The following MMP16 variants were observed in gnomAD, a reference collection of about 807,000 sequenced individuals.
The protein encoded by MMP16 is matrix metallopeptidase 16.
A neutral mutation model predicts 67.8 loss-of-function variants in MMP16; 12 were observed. The ratio of observed to expected loss-of-function variants is 0.18; its 90% CI spans 0.11 to 0.29. The LOEUF is 0.29. MMP16 is among the 10% of genes least tolerant of loss of function. MMP16 has a pLI of 1.00. For missense variants in MMP16, 475 were observed against 765.7 expected (o/e 0.62, Z 4.48); for synonymous variants, 249 against 255.9 (o/e 0.97, Z 0.26).
intron 1 of MMP16, among the ~76,000 whole-genome samples, chr8:88,247,175 A>G (rs1417937159): frequency 6.6e-6 from 1 of 152,126 alleles, no homozygotes; most frequent in Non-Finnish European, 1.5e-5. Flanking sequence ...ATCTTCATAC[A>G]ATGTTTAAAA....
chr8:88,266,671 G>A (rs1245883243), intron 1 of MMP16, among the ~76,000 whole-genome samples: 1 of 151,918 alleles, frequency 6.6e-6, no homozygotes, highest in African/African-American at 2.4e-5. Context: ...TCTACTTACT[G>A]TTCTCAAAGA....
chr8:88,219,191 G>A (rs973911663), intron 1 of MMP16, among the ~76,000 whole-genome samples: 3 of 151,860 alleles, frequency 2.0e-5, no homozygotes, highest in Admixed American at 6.6e-5. Flanking sequence ...ACAAATTAGC[G>A]ACAGAATAGC....
intron 2 of MMP16, among the ~76,000 whole-genome samples, chr8:88,194,354 TA>T (rs1236994079): frequency 6.6e-6 from 1 of 152,076 alleles, no homozygotes; most frequent in African/African-American, 2.4e-5. Context: ...GATCTATAAC[TA>T]TAGTCCATAT....
chr8:88,174,233 A>AC (rs1808849085), intron 3 of MMP16, among the ~76,000 whole-genome samples: 1 of 152,172 alleles, frequency 6.6e-6, no homozygotes, highest in Non-Finnish European at 1.5e-5. Context: ...TATCATAAAT[A>AC]CTCATATTCA....
intron 4 of MMP16, among the ~76,000 whole-genome samples, chr8:88,149,136 T>C (rs535855910): frequency 4.3e-4 from 66 of 152,250 alleles, no homozygotes; most frequent in Middle Eastern, 3.4e-3. Flanking sequence ...CCCACCCGAA[T>C]ATTGCGCTTT....
chr8:88,289,327 A>T (rs906736790), intron 1 of MMP16, among the ~76,000 whole-genome samples: 19 of 152,194 alleles, frequency 1.2e-4, no homozygotes, highest in African/African-American at 4.6e-4. Flanking sequence ...AAAATTTTCT[A>T]CATTGTATAT....
chr8:88,099,359 TG>T (rs919216328), intron 6 of MMP16, among the ~76,000 whole-genome samples: 59 of 151,972 alleles, frequency 3.9e-4, no homozygotes, highest in African/African-American at 1.3e-3. Flanking sequence ...TTAAGACAGC[TG>T]AAGTCTCTAA....
chr8:88,218,764 T>C (rs768521971), intron 1 of MMP16, among the ~76,000 whole-genome samples: 16 of 152,170 alleles, frequency 1.1e-4, no homozygotes, highest in Non-Finnish European at 2.1e-4. Context: ...CTTATACACA[T>C]GCTCAAGAGA....
intron 4 of MMP16, among the ~76,000 whole-genome samples, chr8:88,129,760 T>C (rs2118468478): frequency 1.3e-5 from 2 of 151,770 alleles, no homozygotes; most frequent in African/African-American, 4.8e-5. Context: ...ATTATAACCT[T>C]AGTACCTTAA....
At chr8:88,147,261 T>C (rs1452428063) in intron 4 of MMP16, among the ~76,000 whole-genome samples, 1 of 152,092 alleles carries the variant, frequency 6.6e-6, no homozygotes, top group Admixed American at 6.5e-5. Context: ...GAAGATTTAC[T>C]ATGCCCACTT....
chr8:88,288,012 G>A (rs73692215), intron 1 of MMP16, among the ~76,000 whole-genome samples: 20,455 of 152,134 alleles, frequency 0.13, 1,833 homozygotes, highest in African/African-American at 0.23. Context: ...TATTTCAAAC[G>A]TAACACAAAT....
At chr8:88,190,388 C>T (rs894668924) in intron 2 of MMP16, among the ~76,000 whole-genome samples, 47 of 152,106 alleles carry the variant, frequency 3.1e-4, no homozygotes, top group Non-Finnish European at 1.8e-4. Flanking sequence ...TGACTTTAAA[C>T]ATTTGATTTC....
chr8:88,097,561 G>C (rs1239468609), intron 6 of MMP16, among the ~76,000 whole-genome samples: 1 of 138,868 alleles, frequency 7.2e-6, no homozygotes, highest in African/African-American at 2.7e-5. Flanking sequence ...GGGACGTGGA[G>C]ATTGCAGTGA....
At chr8:88,149,321 C>A (rs1388442936) in intron 4 of MMP16, among the ~76,000 whole-genome samples, 1 of 152,198 alleles carries the variant, frequency 6.6e-6, no homozygotes, top group Non-Finnish European at 1.5e-5. Context: ...CTTAGGTAAA[C>A]AAAGCAGCCG....
chr8:88,179,875 C>CA (rs2129734800), intron 3 of MMP16, among the ~76,000 whole-genome samples: 1 of 152,212 alleles, frequency 6.6e-6, no homozygotes, highest in South Asian at 2.1e-4. Context: ...CAACTAAAAC[C>CA]AGAGAAGGCA....
At chr8:88,292,901 C>T (rs532183586) in intron 1 of MMP16, among the ~76,000 whole-genome samples, 56 of 152,116 alleles carry the variant, frequency 3.7e-4, no homozygotes, top group Middle Eastern at 3.4e-3. Flanking sequence ...AGTTTCAATG[C>T]CTAATTGACA....
intron 4 of MMP16, among the ~76,000 whole-genome samples, chr8:88,149,500 G>A (rs1208051794): frequency 2.0e-5 from 3 of 152,164 alleles, no homozygotes; most frequent in African/African-American, 7.2e-5. Context: ...CTCCCAGCAC[G>A]CGGCTGGAGA....
chr8:88,105,654 T>C, intron 6 of MMP16, among the ~76,000 whole-genome samples: 1 of 151,410 alleles, frequency 6.6e-6, no homozygotes, highest in Middle Eastern at 3.2e-3. Context: ...AGTGAATACT[T>C]AAGAAAACAC....
At chr8:88,251,101 A>G (rs1405899771) in intron 1 of MMP16, among the ~76,000 whole-genome samples, 2 of 152,002 alleles carry the variant, frequency 1.3e-5, no homozygotes, top group East Asian at 3.9e-4. Flanking sequence ...TACAAAGGAC[A>G]TGAACTCATC....
Sources: gnomAD v4.1 joint callset for allele counts (sites outside exome capture counted in the v4.1 genomes callset) on GRCh38, gnomAD v4.1.1 for gene constraint, MANE v1.5 for transcripts, NCBI Gene and HGNC (gene_info 2026-07-23, HGNC 2026-07-21) for gene names.